The following CSMD1 variants were observed in gnomAD, a reference collection of about 807,000 sequenced individuals.
The protein encoded by CSMD1 is CUB and Sushi multiple domains 1, also known as CUB and sushi domain-containing protein 1.
CSMD1 carries 213 observed loss-of-function variants against 417.5 expected under a neutral mutation model. The ratio of observed to expected loss-of-function variants is 0.51; its 90% CI spans 0.46 to 0.57. The LOEUF (loss-of-function observed/expected upper bound fraction) is 0.57, where lower values mean the gene tolerates loss of function less well. Ranked by LOEUF, CSMD1 falls within the 20% of genes least tolerant of loss-of-function variation. The pLI, the probability that CSMD1 is intolerant of heterozygous loss-of-function variation, is 0.00. For missense variants in CSMD1, 6,923 were observed against 4,529.7 expected, an observed-to-expected ratio of 1.53 and a Z score of -15.17; for synonymous variants, 2,862 against 1,736.8, an observed-to-expected ratio of 1.65 and a Z score of -16.11.
chr8:4,544,861 G>C (rs1382885595), intron 2 of CSMD1, among the ~76,000 whole-genome samples: 1 of 152,224 alleles, frequency 6.6e-6, no homozygotes, highest in Non-Finnish European at 1.5e-5. Flanking sequence ...AACTGGAATT[G>C]AATAAGCAGC....
intron 12 of CSMD1, among the ~76,000 whole-genome samples, chr8:3,451,135 A>G (rs1162648288): frequency 3.3e-5 from 5 of 152,146 alleles, no homozygotes; most frequent in Admixed American, 2.0e-4. Flanking sequence ...GTCTGTTCAT[A>G]TCCTTCGCCC....
At chr8:3,646,786 C>G (rs1011658626) in intron 7 of CSMD1, among the ~76,000 whole-genome samples, 3 of 152,242 alleles carry the variant, frequency 2.0e-5, no homozygotes, top group African/African-American at 4.8e-5. Flanking sequence ...GGCATCCGTC[C>G]TTCCTCATTG....
At chr8:3,833,670 A>C (rs1273332173) in intron 5 of CSMD1, among the ~76,000 whole-genome samples, 4 of 152,110 alleles carry the variant, frequency 2.6e-5, no homozygotes, top group African/African-American at 9.7e-5. Context: ...CAACTTTAAA[A>C]ATAAATTATC....
At chr8:4,144,643 A>G (rs4335139) in intron 3 of CSMD1, among the ~76,000 whole-genome samples, 47,912 of 150,534 alleles carry the variant, frequency 0.32, 8,520 homozygotes, top group Middle Eastern at 0.44. Flanking sequence ...GCTTCTTTTT[A>G]TCAGGAGATA....
intron 7 of CSMD1, among the ~76,000 whole-genome samples, chr8:3,636,630 A>G (rs909520712): frequency 1.3e-5 from 2 of 152,186 alleles, no homozygotes; most frequent in Non-Finnish European, 2.9e-5. Flanking sequence ...CTCCCACCCT[A>G]CAAAACAAAT....
At position 4,635,932 on chromosome 8, in the gene CSMD1, T is replaced by C. The variant is rs964082057; in HGVS notation, c.302+1410A>G. ...CATGCTACTAAAAACAGATAATAGA[T>C]ATTGTAGATGACTCAGAAAAAAAAC... On this transcript the variant is annotated intron_variant, in intron 2 of 69. Coordinates refer to ENST00000635120, the MANE Select transcript of CSMD1 (RefSeq NM_033225.6). 5.6e-4 allele frequency among the ~76,000 whole-genome samples: 85 copies of C among 151,954 alleles called. 1 individual carries two copies. The highest frequency in any genetic ancestry group is 2.6e-4 in the Admixed American group (4 of 15,262).
intron 1 of CSMD1, among the ~76,000 whole-genome samples, chr8:4,806,425 G>C (rs1016636378): frequency 6.6e-6 from 1 of 152,106 alleles, no homozygotes; most frequent in Admixed American, 6.5e-5. Context: ...AAGTCCCCTG[G>C]ATGATGTTAG....
intron 3 of CSMD1, among the ~76,000 whole-genome samples, chr8:4,069,960 C>G (rs1277907412): frequency 6.6e-6 from 1 of 152,012 alleles, no homozygotes; most frequent in Admixed American, 6.6e-5. Context: ...TTTGTCTTCT[C>G]TACTTTTGTT....
At chr8:4,172,013 G>A (rs1040733384) in intron 3 of CSMD1, among the ~76,000 whole-genome samples, 7 of 152,002 alleles carry the variant, frequency 4.6e-5, no homozygotes, top group Admixed American at 3.9e-4. Flanking sequence ...CACCAAAGCA[G>A]CACATAATAT....
rs546480179 is a variant in CSMD1 at position 3,060,887 on chromosome 8, G to A, written c.7475-8240C>T. Among the ~76,000 whole-genome samples, 27 of 152,256 alleles carry A rather than the reference G, an allele frequency of 1.8e-4. No individual in the cohort carries two copies. The South Asian group carries it at 5.2e-3, about 29-fold the overall frequency. On this transcript the variant is annotated intron_variant, in intron 49 of 69. Transcript: ENST00000635120. Reference sequence around the variant, plus strand: ...CTGCCTCCTGCCATGTGATGACACGGCATTCCTCTCTCCGGAGGAGAGATG... The same window carrying A: ...CTGCCTCCTGCCATGTGATGACACGACATTCCTCTCTCCGGAGGAGAGATG...
chr8:4,419,387 T>A (rs888089781), intron 3 of CSMD1, among the ~76,000 whole-genome samples: 11 of 152,254 alleles, frequency 7.2e-5, no homozygotes, highest in Non-Finnish European at 1.2e-4. Flanking sequence ...TTAAAAAAAA[T>A]TTCTGCCAAA....
intron 1 of CSMD1, among the ~76,000 whole-genome samples, chr8:4,651,970 C>T (rs1367224475): frequency 2.0e-5 from 3 of 152,152 alleles, no homozygotes. Context: ...CTGGGTCTAG[C>T]TCCCTAAGTA....
chr8:3,349,432 G>C (rs946280516), intron 21 of CSMD1, among the ~76,000 whole-genome samples: 1 of 152,040 alleles, frequency 6.6e-6, no homozygotes, highest in South Asian at 2.1e-4. Context: ...CCATGTGGAA[G>C]GGTGTGAGGA....
intron 7 of CSMD1, among the ~76,000 whole-genome samples, chr8:3,662,679 G>C (rs1016676228): frequency 5.3e-5 from 8 of 152,090 alleles, no homozygotes; most frequent in African/African-American, 9.7e-5. Context: ...ATCAGTTCAT[G>C]TCCTTTGCAG....
At chr8:4,599,925 C>T (rs1263901259) in intron 2 of CSMD1, among the ~76,000 whole-genome samples, 2 of 152,124 alleles carry the variant, frequency 1.3e-5, no homozygotes, top group African/African-American at 4.8e-5. Context: ...ATAAGCTGAA[C>T]CCAGGTATGC....
At chr8:3,952,043 G>A (rs540436786) in intron 5 of CSMD1, among the ~76,000 whole-genome samples, 227 of 152,144 alleles carry the variant, frequency 1.5e-3, no homozygotes, top group Non-Finnish European at 2.4e-3. Flanking sequence ...TACTGACCTA[G>A]GTAAATAATT....
intron 26 of CSMD1, among the ~76,000 whole-genome samples, chr8:3,251,197 G>A (rs1159348236): frequency 6.6e-6 from 1 of 152,062 alleles, no homozygotes; most frequent in African/African-American, 2.4e-5. Context: ...ATGGTTTTAG[G>A]TCTAACATTT....
intron 3 of CSMD1, among the ~76,000 whole-genome samples, chr8:4,132,562 C>A (rs953620294): frequency 1.3e-5 from 2 of 152,066 alleles, no homozygotes; most frequent in East Asian, 3.9e-4. Flanking sequence ...TAAATAAGGC[C>A]CTTTGTGCTA....
At position 3,811,394 on chromosome 8, in the gene CSMD1, T is replaced by C. The variant is rs533473535; in HGVS notation, c.819-57352A>G. ...TGTGATTCTTACTTGTTCTGATCTA[T>C]AGACCATGTAGTAAGGCATTTGCTT... On this transcript the variant is annotated intron_variant, in intron 5 of 69. Transcript: ENST00000635120. Among the ~76,000 whole-genome samples, 336 of 152,332 alleles carry C rather than the reference T, an allele frequency of 2.2e-3. 1 individual carries two copies. The highest frequency in any genetic ancestry group is 6.8e-3 in the South Asian group (33 of 4,832).
Sources: gnomAD v4.1 joint callset for allele counts (sites outside exome capture counted in the v4.1 genomes callset) on GRCh38, gnomAD v4.1.1 for gene constraint, MANE v1.5 for transcripts, NCBI Gene and HGNC (gene_info 2026-07-23, HGNC 2026-07-21) for gene names.